TRIM24: variants seen among roughly 807,000 people sequenced by gnomAD.
TRIM24 encodes the protein tripartite motif containing 24, also known as transcription intermediary factor 1-alpha.
In TRIM24, 29 loss-of-function variants were observed where a neutral mutation model predicts 123.9. The ratio of observed to expected loss-of-function variants is 0.23; its 90% CI spans 0.17 to 0.32. TRIM24 has a LOEUF of 0.32. Among genes scored for constraint, TRIM24 ranks in the 10% least tolerant of loss-of-function variants. The pLI is 1.00. For missense variants in TRIM24, 932 were observed against 1,295.3 expected (o/e 0.72, Z 4.31); for synonymous variants, 456 against 461.1 (o/e 0.99, Z 0.14).
chr7:138,515,569 T>C (rs1456883212), intron 3 of TRIM24, among the ~76,000 whole-genome samples: 1 of 152,220 alleles, frequency 6.6e-6, no homozygotes, highest in Non-Finnish European at 1.5e-5. Flanking sequence ...ATACTGCCTG[T>C]CCTCCTGCTT....
At position 138,537,923 on chromosome 7, in the gene TRIM24, C is replaced by T. The variant is rs190415560; in HGVS notation, c.997-734C>T. Among the ~76,000 whole-genome samples the T allele has an allele frequency of 2.1e-3, 313 of 152,170 alleles. 3 individuals are homozygous for T. Among genetic ancestry groups the T allele is most frequent in the Non-Finnish European group, 2.0e-3 (137 of 67,972 alleles). The stretch of plus-strand genomic sequence containing the variant: ...AGAAAGTCCTGTTTTCCTCCTTTTT[C>T]CTTGCTAGGTCTAGGATGAGGTTTT... On this transcript the variant is annotated intron_variant, in intron 6 of 18. Transcript: ENST00000343526.
At chr7:138,483,611 A>G (rs1390696056) in intron 1 of TRIM24, among the ~76,000 whole-genome samples, 3 of 152,204 alleles carry the variant, frequency 2.0e-5, no homozygotes, top group African/African-American at 7.2e-5. Context: ...CCAATACATA[A>G]CAACTGACAC....
chr7:138,584,132 T>TG, intron 18 of TRIM24, 133 bp downstream of exon 18: 1 of 956,886 alleles, frequency 1.0e-6, no homozygotes, highest in Non-Finnish European at 1.5e-6. Context: ...GATCAGGGAA[T>TG]GCAAGAGATA....
At chr7:138,537,166 G>C (rs772696871) in intron 6 of TRIM24, among the ~76,000 whole-genome samples, 1 of 152,080 alleles carries the variant, frequency 6.6e-6, no homozygotes, top group African/African-American at 2.4e-5. Context: ...TGCTTCCCGG[G>C]TGAGGCGATA....
intron 6 of TRIM24, among the ~76,000 whole-genome samples, 185 bp downstream of exon 6, chr7:138,529,415 G>A (rs776620928): frequency 8.6e-5 from 13 of 151,934 alleles, no homozygotes; most frequent in East Asian, 1.9e-4. Flanking sequence ...TTTATAATAC[G>A]CTATGAATGT....
At chr7:138,508,708 CGT>C (rs61703393) in intron 2 of TRIM24, among the ~76,000 whole-genome samples, 102 of 136,280 alleles carry the variant, frequency 7.5e-4, no homozygotes, top group African/African-American at 2.4e-3. Context: ...CGCGTGTGTG[CGT>C]GTGTGTGTGC....
intron 4 of TRIM24, among the ~76,000 whole-genome samples, chr7:138,519,924 C>T (rs780934527): frequency 1.3e-5 from 2 of 152,032 alleles, no homozygotes; most frequent in African/African-American, 2.4e-5. Context: ...CAGTAAGATT[C>T]GGATTGATAC....
At chr7:138,471,128 T>G (rs1795264030) in intron 1 of TRIM24, among the ~76,000 whole-genome samples, 1 of 152,216 alleles carries the variant, frequency 6.6e-6, no homozygotes, top group African/African-American at 2.4e-5. Flanking sequence ...ACATCCTCCA[T>G]TACAAATGAT....
intron 1 of TRIM24, among the ~76,000 whole-genome samples, chr7:138,469,131 G>C (rs1483344763): frequency 2.0e-5 from 3 of 151,978 alleles, no homozygotes; most frequent in Non-Finnish European, 4.4e-5. Flanking sequence ...CTCTATTCCT[G>C]GTGGAAAACT....
At chr7:138,583,694 CT>C (rs1204788040) in intron 17 of TRIM24, among the ~76,000 whole-genome samples, 155 bp from the exon 18 acceptor site, 1 of 152,110 alleles carries the variant, frequency 6.6e-6, no homozygotes, top group Non-Finnish European at 1.5e-5. Context: ...GCAGTGGGCA[CT>C]TGTAAACACT....
intron 9 of TRIM24, among the ~76,000 whole-genome samples, chr7:138,560,005 G>A (rs1315902642): frequency 6.6e-6 from 1 of 152,172 alleles, no homozygotes; most frequent in Non-Finnish European, 1.5e-5. Context: ...CCTAGTTCAT[G>A]GAGGTCACCT....
chr7:138,493,552 T>A (rs1343087422), intron 1 of TRIM24, among the ~76,000 whole-genome samples: 4 of 152,212 alleles, frequency 2.6e-5, no homozygotes, highest in African/African-American at 7.2e-5. Flanking sequence ...CTGGATTTTT[T>A]AAAAATAGTG....
intron 1 of TRIM24, among the ~76,000 whole-genome samples, chr7:138,468,858 A>G (rs1227018954): frequency 1.3e-5 from 2 of 152,146 alleles, no homozygotes; most frequent in Non-Finnish European, 2.9e-5. Flanking sequence ...TTTGCCCTAT[A>G]TATTCCATCT....
At chr7:138,559,357 A>G (rs1189344864) in intron 9 of TRIM24, among the ~76,000 whole-genome samples, 3 of 152,086 alleles carry the variant, frequency 2.0e-5, no homozygotes, top group Non-Finnish European at 4.4e-5. Context: ...GGGGATGAGT[A>G]GCAACAAAGT....
intron 2 of TRIM24, among the ~76,000 whole-genome samples, chr7:138,512,158 GC>G (rs1486183150): frequency 3.3e-5 from 5 of 152,124 alleles, no homozygotes; most frequent in Admixed American, 2.0e-4. Flanking sequence ...GGCTCCCAAA[GC>G]CTTGGGCAGC....
intron 1 of TRIM24, among the ~76,000 whole-genome samples, chr7:138,488,385 G>T (rs1795697698): frequency 6.6e-6 from 1 of 151,600 alleles, no homozygotes; most frequent in Admixed American, 6.6e-5. Flanking sequence ...CTTGCCTTCT[G>T]CTAGCTTTTG....
intron 1 of TRIM24, among the ~76,000 whole-genome samples, chr7:138,484,685 AG>A (rs1795607413): frequency 6.6e-6 from 1 of 152,214 alleles, no homozygotes; most frequent in African/African-American, 2.4e-5. Flanking sequence ...TTGTAGAGTT[AG>A]GCGAACTTCA....
At chr7:138,575,304 T>C (rs1286457124) in intron 12 of TRIM24, among the ~76,000 whole-genome samples, 1 of 152,088 alleles carries the variant, frequency 6.6e-6, no homozygotes, top group African/African-American at 2.4e-5. Flanking sequence ...TAAATAGCCA[T>C]TGTTTTGATT....
chr7:138,548,537 T>A (rs1417280557), intron 7 of TRIM24, among the ~76,000 whole-genome samples: 4 of 152,164 alleles, frequency 2.6e-5, no homozygotes, highest in Non-Finnish European at 5.9e-5. Context: ...TGTGAAGGCG[T>A]AGGACATTAC....
Sources: allele counts gnomAD v4.1 joint callset (sites outside exome capture counted in the v4.1 genomes callset), GRCh38; gene constraint gnomAD v4.1.1; transcripts MANE v1.5; gene names NCBI Gene and HGNC (gene_info 2026-07-23, HGNC 2026-07-21).